GLB1L3: variants seen among roughly 807,000 people sequenced by gnomAD.
GLB1L3 encodes the protein galactosidase beta 1 like 3.
In GLB1L3, 89 loss-of-function variants were observed where a neutral mutation model predicts 89.5. The observed-to-expected ratio is 0.99, with a 90% confidence interval of 0.84 to 1.19. GLB1L3 has a LOEUF of 1.19. Among genes scored for constraint, GLB1L3 ranks in the 50% most tolerant of loss-of-function variants. The pLI is 0.00. For synonymous variants in GLB1L3, 314 were observed against 312.3 expected (o/e 1.01, Z -0.06); for missense variants, 812 against 813.3 (o/e 1.00, Z 0.02).
At chr11:134,310,135 G>C (rs1942651002) in intron 11 of GLB1L3, 2 of 384,750 alleles carry the variant, frequency 5.2e-6, no homozygotes, top group South Asian at 6.9e-5. Flanking sequence ...CCACTCTTTT[G>C]GCTTCCCTGG....
At chr11:134,312,583 TTGG>T in intron 14 of GLB1L3, 94 bp downstream of exon 14, 7 of 1,460,290 alleles carry the variant, frequency 4.8e-6, no homozygotes, top group Non-Finnish European at 6.5e-6. Context: ...ACGTTGCTGT[TTGG>T]TGACCTACTA....
Position 134,276,568 on chromosome 11 carries a change from C to G in GLB1L3, c.-173C>G, listed in dbSNP as rs1001374942. On this transcript the variant is annotated 5_prime_UTR_variant, in exon 1 of 20. Coordinates refer to ENST00000431683, the MANE Select transcript of GLB1L3 (RefSeq NM_001080407.3). ...GAGCCCGACGCGCATCCTTGGGACC[C>G]GGACCCGGCGCCCGCGCCTCGGGAC... 4.6e-5 allele frequency: 24 copies of G among 520,934 alleles called. No homozygotes were observed. The Admixed American group carries it at 5.4e-4, about 12-fold the overall frequency. 32.3% of individuals were successfully genotyped at this position (520,934 alleles called of 1,614,324 possible).
At chr11:134,308,190 T>TCAC (rs1330720250) in intron 10 of GLB1L3, among the ~76,000 whole-genome samples, 1 of 79,090 alleles carries the variant, frequency 1.3e-5, no homozygotes, top group African/African-American at 6.4e-5. Flanking sequence ...ATCACCATCA[T>TCAC]CACCATCACC....
intron 10 of GLB1L3, among the ~76,000 whole-genome samples, chr11:134,308,511 C>G (rs1176577548): frequency 2.1e-5 from 2 of 93,088 alleles, no homozygotes; most frequent in Non-Finnish European, 4.8e-5. Context: ...ACCACCACCA[C>G]CACCACCATG....
At chr11:134,303,125 A>G (rs1367239278) in intron 9 of GLB1L3, among the ~76,000 whole-genome samples, 1 of 152,090 alleles carries the variant, frequency 6.6e-6, no homozygotes, top group East Asian at 1.9e-4. Context: ...TCTTAAGGTC[A>G]CTTTTGTCTG....
At chr11:134,309,856 T>C in intron 11 of GLB1L3, 93 bp downstream of exon 11, 1 of 1,394,374 alleles carries the variant, frequency 7.2e-7, no homozygotes, top group Non-Finnish European at 9.9e-7. Context: ...ACCACTGGGT[T>C]CTTGACCTAT....
Position 134,318,690 on chromosome 11 carries a change from T to G in GLB1L3, c.1839T>G (p.Ile613Met), listed in dbSNP as rs1394950848. The change falls in exon 19 of 20, where the codon ATT becomes ATG. Residue 613 changes from isoleucine to methionine, a missense_variant. Around this residue, in one of 3 missense-constraint regions of GLB1L3, gnomAD observed 618 missense variants for 604.0 expected, o/e 1.02. Coordinates refer to ENST00000431683, the MANE Select transcript of GLB1L3 (RefSeq NM_001080407.3). ...NGRNLGRYWNIGPQKTLYLPG... is the reference protein window; with the variant it reads ...NGRNLGRYWNMGPQKTLYLPG... Reference sequence around the variant, plus strand: ...GTAACCTTGGGCGATATTGGAATATTGGGCCTCAGAAAACACTGTACCTTC... The same window carrying G: ...GTAACCTTGGGCGATATTGGAATATGGGGCCTCAGAAAACACTGTACCTTC... The G allele has an allele frequency of 1.2e-6, 2 of 1,613,320 alleles. No individual in the cohort carries two copies. Among genetic ancestry groups the G allele is most frequent in the Non-Finnish European group, 1.7e-6 (2 of 1,179,490 alleles).
intron 10 of GLB1L3, 111 bp from the exon 11 acceptor site, chr11:134,309,515 A>C (rs1942616025): frequency 3.1e-6 from 2 of 635,216 alleles, no homozygotes; most frequent in Non-Finnish European, 5.1e-6. Flanking sequence ...TGAAGCGAGG[A>C]GTTACTGTAA....
At chr11:134,301,636 C>A (rs183392360) in intron 9 of GLB1L3, among the ~76,000 whole-genome samples, 8 of 151,900 alleles carry the variant, frequency 5.3e-5, no homozygotes, top group Admixed American at 5.2e-4. Flanking sequence ...TTTATATTTC[C>A]TTTATTTATT....
intron 6 of GLB1L3, 100 bp downstream of exon 6, chr11:134,283,945 C>A (rs1940846862): frequency 2.8e-6 from 2 of 709,780 alleles, no homozygotes; most frequent in Non-Finnish European, 2.5e-6. Flanking sequence ...TCTCCATGAA[C>A]AATTGAGTTG....
chr11:134,284,231 G>T (rs1246737096), intron 6 of GLB1L3, among the ~76,000 whole-genome samples: 2 of 151,964 alleles, frequency 1.3e-5, no homozygotes, highest in African/African-American at 4.8e-5. Context: ...AAGCCATTTA[G>T]TTGCCCTTTC....
chr11:134,314,484 T>G, intron 18 of GLB1L3, 43 bp downstream of exon 18: 3 of 1,272,690 alleles, frequency 2.4e-6, no homozygotes, highest in Non-Finnish European at 3.4e-6. Context: ...AAACACCAAT[T>G]TTATTTTTAA....
At chr11:134,286,693 C>T (rs1476953039) in intron 6 of GLB1L3, among the ~76,000 whole-genome samples, 1 of 150,966 alleles carries the variant, frequency 6.6e-6, no homozygotes, top group African/African-American at 2.4e-5. Context: ...AGGAGAATGA[C>T]GTGAACCCGG....
At position 134,289,344 on chromosome 11, in the gene GLB1L3, A is replaced by T. The variant is rs1247819737; in HGVS notation, c.729+454A>T. Among the ~76,000 whole-genome samples, 3 of 151,900 alleles carry T rather than the reference A, an allele frequency of 2.0e-5. 1 individual carries two copies. The highest frequency in any genetic ancestry group is 7.2e-5 in the African/African-American group (3 of 41,380). ...GGGGAGGAGGAAGAGGTGGAGGAGG[A>T]GGAGTTGGTTTTGCTGACTCAGGGG... is the stretch of plus-strand genomic sequence containing the variant. On this transcript the variant is annotated intron_variant, in intron 7 of 19. Coordinates refer to ENST00000431683, the MANE Select transcript of GLB1L3 (RefSeq NM_001080407.3).
rs1434041991 is a variant in GLB1L3 at position 134,318,744 on chromosome 11, T to C, written c.1893T>C (p.Asn631=). Residue 631 remains asparagine, a synonymous_variant, in exon 19 of 20, where the codon AAT becomes AAC. Transcript: ENST00000431683. ...LPGVWLHPED[N]EVILFEKMMS... ...GAGTTTGGCTTCATCCAGAAGACAA[T>C]GAGGTATGTCACTCCAGTCTCTGCC... is the stretch of plus-strand genomic sequence containing the variant. The C allele has an allele frequency of 6.3e-7, 1 of 1,595,598 alleles. No homozygotes were observed. The highest frequency in any genetic ancestry group is 1.1e-5 in the South Asian group (1 of 90,364).
rs997972181 is a variant in GLB1L3, at chr11:134,294,666, C to A, written c.876+1457C>A. Among the ~76,000 whole-genome samples, 6 of 152,318 alleles carry A rather than the reference C, an allele frequency of 3.9e-5. No individual in the cohort carries two copies. The East Asian group carries it at 9.6e-4, about 24-fold the overall frequency. ...TAATCCCGTCTCCAGCCCTGGGCAG[C>A]CACCAGTCTTCTTTCCAGTTCTATA... On this transcript the variant is annotated intron_variant, in intron 9 of 19. Coordinates refer to ENST00000431683, the MANE Select transcript of GLB1L3 (RefSeq NM_001080407.3).
chr11:134,277,802 C>T lies in GLB1L3; in HGVS notation c.252C>T (p.Gly84=), dbSNP rs1473615549. 9 of 1,613,982 alleles carry T rather than the reference C, an allele frequency of 5.6e-6. No individual in the cohort carries two copies. Among genetic ancestry groups the T allele is most frequent in the Non-Finnish European group, 6.8e-6 (8 of 1,180,034 alleles). Reference sequence around the variant, plus strand: ...GTAAGCCCCACTTCACACTGGAGGGCCACAAGTTCCTGATCTTCGGGGGCT... The same window carrying T: ...GTAAGCCCCACTTCACACTGGAGGGTCACAAGTTCCTGATCTTCGGGGGCT... The part of the protein sequence containing the change: ...GRGKPHFTLE[G]HKFLIFGGSI... The change falls in exon 3 of 20, where the codon GGC becomes GGT. Residue 84 remains glycine, a synonymous_variant. Coordinates refer to ENST00000431683, the MANE Select transcript of GLB1L3 (RefSeq NM_001080407.3).
intron 18 of GLB1L3, 116 bp from the exon 19 acceptor site, chr11:134,318,515 C>T (rs968932836): frequency 9.0e-6 from 6 of 663,994 alleles, no homozygotes; most frequent in African/African-American, 8.9e-5. Context: ...ACTCTAAACT[C>T]ACCTTCATTT....
At chr11:134,290,298 C>G (rs543644684) in intron 7 of GLB1L3, among the ~76,000 whole-genome samples, 1 of 152,282 alleles carries the variant, frequency 6.6e-6, no homozygotes, top group South Asian at 2.1e-4. Flanking sequence ...ACCGGCTGTG[C>G]TCAGTGGCGC....
Sources: gnomAD v4.1 joint callset for allele counts (sites outside exome capture counted in the v4.1 genomes callset) on GRCh38, gnomAD v4.1.1 for gene constraint, gnomAD v4.1.1 regional missense constraint, MANE v1.5 for transcripts, NCBI Gene and HGNC (gene_info 2026-07-23, HGNC 2026-07-21) for gene names.